Variants in SYT1 observed in about 807,000 individuals in gnomAD.
SYT1 encodes synaptotagmin 1.
SYT1 carries 8 observed loss-of-function variants against 44.8 expected under a neutral mutation model. The ratio of observed to expected loss-of-function variants is 0.18; its 90% CI spans 0.10 to 0.32. The LOEUF is 0.32. SYT1 is among the 10% of genes least tolerant of loss of function. SYT1 has a pLI of 1.00. For missense variants in SYT1, 286 were observed against 509.3 expected (o/e 0.56, Z 4.22); for synonymous variants, 154 against 188.8 (o/e 0.82, Z 1.51).
At chr12:78,998,051 T>A (rs1870494147) in intron 2 of SYT1, among the ~76,000 whole-genome samples, 1 of 152,100 alleles carries the variant, frequency 6.6e-6, no homozygotes, top group South Asian at 2.1e-4. Flanking sequence ...TTTTGGTAGA[T>A]CTGAGAACAA....
chr12:78,949,098 G>T (rs1241321140), intron 1 of SYT1, among the ~76,000 whole-genome samples: 1 of 151,238 alleles, frequency 6.6e-6, no homozygotes, highest in East Asian at 1.9e-4. Flanking sequence ...CTAGTGATTG[G>T]CTATAGGACT....
intron 3 of SYT1, among the ~76,000 whole-genome samples, chr12:79,066,370 C>T (rs1355368075): frequency 1.3e-5 from 2 of 151,898 alleles, no homozygotes; most frequent in African/African-American, 4.8e-5. Context: ...TGAATTCTTT[C>T]TGCAACACCG....
rs188323926 is a variant in SYT1 at position 79,345,449 on chromosome 12, A to G, written c.811-8053A>G. ...TAGAGCCTAGACTAGAACCTAGAAGAGTCTGTGGTGGAACTCAGTAATTAT... is the reference window on the plus strand; with the variant it reads ...TAGAGCCTAGACTAGAACCTAGAAGGGTCTGTGGTGGAACTCAGTAATTAT... On this transcript the variant is annotated intron_variant, in intron 8 of 10. Transcript: ENST00000261205. Among the ~76,000 whole-genome samples, 24 of 152,360 alleles carry G rather than the reference A, an allele frequency of 1.6e-4. No homozygotes were observed. The East Asian group carries it at 4.6e-3, about 29-fold the overall frequency.
chr12:79,144,295 A>G (rs1242817845), intron 3 of SYT1, among the ~76,000 whole-genome samples: 1 of 152,250 alleles, frequency 6.6e-6, no homozygotes, highest in Non-Finnish European at 1.5e-5. Context: ...TGCATTCAGC[A>G]GTGTATATAA....
intron 3 of SYT1, among the ~76,000 whole-genome samples, chr12:79,142,437 G>T (rs1304636248): frequency 6.6e-6 from 1 of 152,110 alleles, no homozygotes; most frequent in Non-Finnish European, 1.5e-5. Flanking sequence ...ATAGAGGGCT[G>T]GCTTGGATAA....
At chr12:79,094,219 C>A (rs1877970105) in intron 3 of SYT1, among the ~76,000 whole-genome samples, 1 of 151,640 alleles carries the variant, frequency 6.6e-6, no homozygotes, top group Non-Finnish European at 1.5e-5. Context: ...TATTATAAAT[C>A]ATAATTATTG....
At chr12:78,899,293 G>T (rs1420227535) in intron 1 of SYT1, among the ~76,000 whole-genome samples, 2 of 151,602 alleles carry the variant, frequency 1.3e-5, no homozygotes, top group Non-Finnish European at 2.9e-5. Flanking sequence ...AGTTAAGAGT[G>T]CAATGTAATA....
intron 2 of SYT1, among the ~76,000 whole-genome samples, chr12:79,021,789 C>A (rs965258234): frequency 2.6e-5 from 4 of 151,604 alleles, no homozygotes; most frequent in African/African-American, 9.7e-5. Flanking sequence ...TAGTGTAATT[C>A]TTTTTATTTG....
chr12:79,260,355 T>C (rs1877763152), intron 4 of SYT1, among the ~76,000 whole-genome samples: 5 of 152,116 alleles, frequency 3.3e-5, no homozygotes, highest in Admixed American at 1.3e-4. Flanking sequence ...ACAAATATCA[T>C]CAAAGTCTTA....
At chr12:79,009,993 C>A (rs778185420) in intron 2 of SYT1, among the ~76,000 whole-genome samples, 4 of 152,102 alleles carry the variant, frequency 2.6e-5, no homozygotes, top group Non-Finnish European at 5.9e-5. Flanking sequence ...TTCTTACTTG[C>A]CTTTCAGTGT....
At chr12:79,053,531 T>G (rs1045642532) in intron 3 of SYT1, among the ~76,000 whole-genome samples, 1 of 149,508 alleles carries the variant, frequency 6.7e-6, no homozygotes, top group African/African-American at 2.4e-5. Flanking sequence ...AAAAAAATTC[T>G]TATATATATT....
At chr12:79,049,875 G>A (rs906003682) in intron 3 of SYT1, among the ~76,000 whole-genome samples, 5 of 152,094 alleles carry the variant, frequency 3.3e-5, no homozygotes, top group East Asian at 3.9e-4. Flanking sequence ...TGCTAAAGAC[G>A]CTTAGAGCAC....
At chr12:79,278,220 A>G (rs1442795975) in intron 4 of SYT1, among the ~76,000 whole-genome samples, 2 of 152,148 alleles carry the variant, frequency 1.3e-5, no homozygotes, top group Non-Finnish European at 2.9e-5. Flanking sequence ...CATACTTCTC[A>G]TCAGCACATA....
intron 1 of SYT1, among the ~76,000 whole-genome samples, chr12:78,881,525 A>G (rs1282210835): frequency 6.6e-6 from 1 of 151,778 alleles, no homozygotes; most frequent in Non-Finnish European, 1.5e-5. Context: ...ACCTTGTTGA[A>G]TAAAAAGAGA....
rs752396450 is a variant in SYT1, at chr12:79,217,667, G to C, written c.148G>C (p.Glu50Gln). 9 of 1,612,156 alleles carry C rather than the reference G, an allele frequency of 5.6e-6. No homozygotes were observed. Among genetic ancestry groups the C allele is most frequent in the Non-Finnish European group, 5.9e-6 (7 of 1,179,162 alleles). Residue 50 changes from glutamate to glutamine, a missense_variant, in exon 4 of 11, where the codon GAG becomes CAG. Transcript: ENST00000261205. ...FSKLKEKFMNELHKIPLPPWA... is the reference protein window; with the variant it reads ...FSKLKEKFMNQLHKIPLPPWA... ...TAAGCTGAAGGAGAAGTTTATGAATGAGTTGCATAAAATTCCATGTGAGTA... is the reference window on the plus strand; with the variant it reads ...TAAGCTGAAGGAGAAGTTTATGAATCAGTTGCATAAAATTCCATGTGAGTA...
At chr12:79,188,918 C>A (rs1260496982) in intron 3 of SYT1, among the ~76,000 whole-genome samples, 1 of 151,134 alleles carries the variant, frequency 6.6e-6, no homozygotes, top group Non-Finnish European at 1.5e-5. Context: ...CTTTATTATT[C>A]TTATAAAAAC....
Position 79,418,360 on chromosome 12 carries a change from C to T in SYT1, c.929-25713C>T, listed in dbSNP as rs1391859096. Among the ~76,000 whole-genome samples, 5 of 152,172 alleles carry T rather than the reference C, an allele frequency of 3.3e-5. No homozygotes were observed. The East Asian group carries it at 7.7e-4, about 24-fold the overall frequency. On this transcript the variant is annotated intron_variant, in intron 9 of 10. Transcript: ENST00000261205. The stretch of plus-strand genomic sequence containing the variant: ...ACACTAACTTTTTAGCTCTCAAATT[C>T]GTGGTTTTTCTTTATGTTATTGACA...
intron 4 of SYT1, among the ~76,000 whole-genome samples, chr12:79,279,977 TAAAAG>T (rs1878958109): frequency 6.6e-6 from 1 of 151,952 alleles, no homozygotes; most frequent in African/African-American, 2.4e-5. Context: ...AAAACACTGA[TAAAAG>T]AAATCATAGA....
In SYT1 at chr12:78,984,345, A is replaced by T. The variant is rs141733662; in HGVS notation, c.-84+6414A>T. 4.5e-3 allele frequency among the ~76,000 whole-genome samples: 682 copies of T among 152,104 alleles called. 5 individuals are homozygous for T. Among genetic ancestry groups the T allele is most frequent in the African/African-American group, 0.015 (633 of 41,564 alleles). On this transcript the variant is annotated intron_variant, in intron 2 of 10. Transcript: ENST00000261205. Reference sequence around the variant, plus strand: ...AGTTTTGTTTATTTTTTATGGCACAAATACCACAATGTATTTTATTTATTA... The same window carrying T: ...AGTTTTGTTTATTTTTTATGGCACATATACCACAATGTATTTTATTTATTA...
Sources: allele counts gnomAD v4.1 joint callset (sites outside exome capture counted in the v4.1 genomes callset), GRCh38; gene constraint gnomAD v4.1.1; transcripts MANE v1.5; gene names NCBI Gene and HGNC (gene_info 2026-07-23, HGNC 2026-07-21).